XPO6: variants seen among roughly 807,000 people sequenced by gnomAD.
XPO6 encodes exportin-6.
In XPO6, 3 loss-of-function variants were observed where a neutral mutation model predicts 130.0. That is an observed-to-expected ratio of 0.02 (90% CI 0.01 to 0.06). The LOEUF is 0.06. Ranked by LOEUF, XPO6 falls within the 10% of genes least tolerant of loss-of-function variation. XPO6 has a pLI of 1.00. For synonymous variants in XPO6, 524 were observed against 548.9 expected, an observed-to-expected ratio of 0.95 and a Z score of 0.63; for missense variants, 970 against 1,393.0, an observed-to-expected ratio of 0.70 and a Z score of 4.83.
Position 28,189,099 on chromosome 16 carries a change from C to T in XPO6, c.4-8068G>A, listed in dbSNP as rs187050159. 1.3e-3 allele frequency among the ~76,000 whole-genome samples: 205 copies of T among 152,094 alleles called. 1 individual carries two copies. The highest frequency in any genetic ancestry group is 4.7e-3 in the African/African-American group (193 of 41,492). The stretch of plus-strand genomic sequence containing the variant: ...TAGCTGGGACCACAGCTGCACACCA[C>T]CACATCCAGCTGATTTTTGTATTTT... On this transcript the variant is annotated intron_variant, in intron 1 of 23. Coordinates refer to ENST00000304658, the MANE Select transcript of XPO6 (RefSeq NM_015171.4).
intron 12 of XPO6, among the ~76,000 whole-genome samples, chr16:28,127,012 C>T (rs2087435217): frequency 1.3e-5 from 2 of 152,322 alleles, no homozygotes; most frequent in Non-Finnish European, 2.9e-5. Flanking sequence ...TCCCGCTGTG[C>T]TCCAAAATCA....
At chr16:28,111,770 GCCTGCCTA>G (rs1333748959) in intron 17 of XPO6, 39 bp downstream of exon 17, 1 of 1,593,856 alleles carries the variant, frequency 6.3e-7, no homozygotes, top group African/African-American at 1.3e-5. Flanking sequence ...AAAGAACAAT[GCCTGCCTA>G]CCTCCTTCCC....
Position 28,111,817 on chromosome 16 carries a change from T to A in XPO6, c.2341A>T (p.Thr781Ser). 1.9e-6 allele frequency: 3 copies of A among 1,613,962 alleles called. No homozygotes were observed. The highest frequency in any genetic ancestry group is 8.5e-7 in the Non-Finnish European group (1 of 1,179,918). ...CTGTCCTAGCCTAGGGGTCACTTAC[T>A]GTCATCCAGTGGCATCTTTCTCTGT... Reference protein sequence around the residue: ...APQRKMPLDDTKLIIHQTLSV... With the variant: ...APQRKMPLDDSKLIIHQTLSV... Residue 781 changes from threonine (T) to serine (S), a missense_variant and splice_region_variant, in exon 17 of 24, where the codon ACC (threonine) becomes TCC (serine). Thr to Ser is a moderately conservative substitution (Grantham distance 58). This residue lies in a region of XPO6 where 936 missense variants were observed against 1,306.8 expected (regional missense o/e 0.72). Coordinates refer to ENST00000304658, the MANE Select transcript of XPO6 (RefSeq NM_015171.4).
intron 6 of XPO6, among the ~76,000 whole-genome samples, chr16:28,161,671 T>C (rs2043281083): frequency 6.6e-6 from 1 of 152,168 alleles, no homozygotes; most frequent in Non-Finnish European, 1.5e-5. Context: ...CTGAAAACTA[T>C]ATATGCATAT....
At chr16:28,122,052 T>C (rs1052937125) in intron 13 of XPO6, among the ~76,000 whole-genome samples, 2 of 152,096 alleles carry the variant, frequency 1.3e-5, no homozygotes, top group Non-Finnish European at 1.5e-5. Flanking sequence ...ATAAAAACCA[T>C]GCTTAGAGGC....
At chr16:28,146,024 G>T in intron 9 of XPO6, 70 bp downstream of exon 9, 1 of 1,189,646 alleles carries the variant, frequency 8.4e-7, no homozygotes, top group Non-Finnish European at 1.2e-6. Context: ...CAAATGCATG[G>T]CTGTCTCTTA....
intron 21 of XPO6, among the ~76,000 whole-genome samples, chr16:28,104,138 T>C (rs937845018): frequency 2.6e-5 from 4 of 152,174 alleles, no homozygotes; most frequent in African/African-American, 9.7e-5. Context: ...TCTCCCAGTA[T>C]GGTCAGAGTC....
chr16:28,112,028 T>C, intron 16 of XPO6, 22 bp from the exon 17 acceptor site: 1 of 1,599,432 alleles, frequency 6.3e-7, no homozygotes, highest in Non-Finnish European at 8.5e-7. Context: ...CCCAAAGGCA[T>C]CCATCAGAGG....
chr16:28,171,702 T>C (rs2043452817), intron 4 of XPO6, among the ~76,000 whole-genome samples: 1 of 152,202 alleles, frequency 6.6e-6, no homozygotes, highest in Admixed American at 6.5e-5. Context: ...CTTTGTATAT[T>C]CTCCACAATT....
rs1213696160 is a variant in XPO6 at position 28,132,911 on chromosome 16, T to A, written c.1537-508A>T. 2.0e-5 allele frequency among the ~76,000 whole-genome samples: 3 copies of A among 152,226 alleles called. No homozygotes were observed. Among genetic ancestry groups the A allele is most frequent in the Non-Finnish European group, 2.9e-5 (2 of 68,038 alleles). On this transcript the variant is annotated intron_variant, in intron 11 of 23. Coordinates refer to ENST00000304658, the MANE Select transcript of XPO6 (RefSeq NM_015171.4). The surrounding 1 kb of genome is among the most constrained non-coding windows in gnomAD (Gnocchi z 4.0). ...GCGGTCAGAACGTCATAACCGGAGC[T>A]GCATCTTTCTTTCTCAAGCTGCTAC...
At chr16:28,170,267 G>A (rs1277672417) in intron 4 of XPO6, among the ~76,000 whole-genome samples, 1 of 151,002 alleles carries the variant, frequency 6.6e-6, no homozygotes, top group Non-Finnish European at 1.5e-5. Context: ...AGGAGGTGGA[G>A]GTTGTGGTGA....
At chr16:28,168,864 C>T (rs1055175271) in intron 5 of XPO6, among the ~76,000 whole-genome samples, 4 of 151,876 alleles carry the variant, frequency 2.6e-5, no homozygotes, top group Admixed American at 1.3e-4. Context: ...ATCCTCCCAC[C>T]TCAGCCTCCC....
intron 4 of XPO6, among the ~76,000 whole-genome samples, chr16:28,170,692 T>C (rs2043435252): frequency 6.6e-6 from 1 of 152,240 alleles, no homozygotes; most frequent in African/African-American, 2.4e-5. Context: ...CATGATTAAA[T>C]ATAGCAGAGC....
chr16:28,165,762 A>G (rs1299373363), intron 6 of XPO6, among the ~76,000 whole-genome samples: 1 of 152,220 alleles, frequency 6.6e-6, no homozygotes, highest in Non-Finnish European at 1.5e-5. Context: ...AGAGGAAGCT[A>G]TATGTGTCAA....
chr16:28,113,057 A>G lies in XPO6; in HGVS notation c.2005-7T>C. On this transcript the variant is annotated splice_region_variant and splice_polypyrimidine_tract_variant and intron_variant, in intron 15 of 23. Transcript: ENST00000304658. ...GCAGCAGCTTGTCTTGGACCTGCAGAGGGAAGAGGGCACGTCAGCTCACCA... is the reference window on the plus strand; with the variant it reads ...GCAGCAGCTTGTCTTGGACCTGCAGGGGGAAGAGGGCACGTCAGCTCACCA... 1 of 1,613,008 alleles carries G rather than the reference A, an allele frequency of 6.2e-7. No individual in the cohort carries two copies. The highest frequency in any genetic ancestry group is 8.5e-7 in the Non-Finnish European group (1 of 1,179,360).
At chr16:28,107,177 G>T (rs989949932) in intron 18 of XPO6, among the ~76,000 whole-genome samples, 1 of 152,194 alleles carries the variant, frequency 6.6e-6, no homozygotes, top group African/African-American at 2.4e-5. Flanking sequence ...CATCCACAGA[G>T]CTAGAGAGGC....
chr16:28,164,216 T>G (rs1007351066), intron 6 of XPO6, among the ~76,000 whole-genome samples: 1 of 152,210 alleles, frequency 6.6e-6, no homozygotes, highest in Non-Finnish European at 1.5e-5. Context: ...AGGAATTCAT[T>G]TGGTTGCTTC....
chr16:28,133,018 G>A (rs1178553303), intron 11 of XPO6, among the ~76,000 whole-genome samples: 2 of 152,330 alleles, frequency 1.3e-5, no homozygotes, highest in Admixed American at 6.5e-5. Flanking sequence ...GAGAACACAA[G>A]TATAGCTGGG....
intron 6 of XPO6, among the ~76,000 whole-genome samples, chr16:28,163,322 A>G (rs1424551558): frequency 6.6e-6 from 1 of 152,242 alleles, no homozygotes; most frequent in Non-Finnish European, 1.5e-5. Context: ...ACTGGCCTCA[A>G]TTCACACTCT....
Sources: allele counts gnomAD v4.1 joint callset (sites outside exome capture counted in the v4.1 genomes callset), GRCh38; gene constraint gnomAD v4.1.1; regional missense constraint gnomAD v4.1.1; non-coding constraint Gnocchi (gnomAD v3.1); transcripts MANE v1.5; gene names NCBI Gene and HGNC (gene_info 2026-07-23, HGNC 2026-07-21).